Variants in HERC2 observed in about 807,000 individuals in gnomAD.
HERC2 encodes E3 ubiquitin-protein ligase HERC2.
A neutral mutation model predicts 537.7 loss-of-function variants in HERC2; 102 were observed. That is an observed-to-expected ratio of 0.19 (90% CI 0.16 to 0.22). The LOEUF is 0.22. HERC2 is among the 10% of genes least tolerant of loss of function. HERC2 has a pLI of 1.00. For synonymous variants in HERC2, 2,224 were observed against 2,466.2 expected (o/e 0.90, Z 2.91); for missense variants, 4,236 against 6,198.2 (o/e 0.68, Z 10.63).
At chr15:28,181,388 C>T (rs1895803315) in intron 57 of HERC2, among the ~76,000 whole-genome samples, 1 of 152,190 alleles carries the variant, frequency 6.6e-6, no homozygotes, top group African/African-American at 2.4e-5. Context: ...GTCCACTTCC[C>T]AAACCAAGCT....
intron 2 of HERC2, among the ~76,000 whole-genome samples, chr15:28,308,010 T>A (rs976896098): frequency 2.0e-5 from 3 of 152,204 alleles, no homozygotes; most frequent in African/African-American, 7.2e-5. Context: ...TTCTTTTCAA[T>A]TATGAGAGCT....
rs746589172 is a variant in HERC2, at chr15:28,177,007, G to A, written c.9375C>T (p.Leu3125=). Residue 3125 remains leucine, a synonymous_variant, in exon 61 of 93, where the codon CTC becomes CTT. Transcript: ENST00000261609. This position sits in a 1 kb window ranked among gnomAD's most constrained non-coding sequence, Gnocchi z 5.0. ...CATGTCCCAGCCGGCCGTACTCGCC[G>A]AGGCCCCAGGTGTACAGTTCTCCGC... ...TSSGELYTWG[L]GEYGRLGHGD... 77 of 1,613,944 alleles carry A rather than the reference G, an allele frequency of 4.8e-5. No homozygotes were observed. In the East Asian group the frequency reaches 7.8e-4, roughly 16 times the overall value.
At chr15:28,216,193 T>C (rs1316636154) in intron 38 of HERC2, among the ~76,000 whole-genome samples, 2 of 152,162 alleles carry the variant, frequency 1.3e-5, no homozygotes, top group East Asian at 1.9e-4. Flanking sequence ...TTCTAGGCAA[T>C]AGGAAAACCA....
rs149755238 is a variant in HERC2 at position 28,265,917 on chromosome 15, G to A, written c.1656C>T (p.His552=). 352 of 1,614,156 alleles carry A rather than the reference G, an allele frequency of 2.2e-4. 3 individuals are homozygous for A. The African/African-American group carries it at 3.8e-3, about 17-fold the overall frequency. The stretch of plus-strand genomic sequence containing the variant: ...TGCTCCCGCAAGCGATGTGCACCAC[G>A]TGCTTCCCGGCCTGCTTTCCAGAGA... The part of the protein sequence containing the change: ...SAFSGKQAGK[H]VVHIACGSTY... The change falls in exon 13 of 93, where the codon CAC becomes CAT. Residue 552 remains histidine (H), a synonymous_variant. Transcript: ENST00000261609. The surrounding 1 kb of genome is among the most constrained non-coding windows in gnomAD (Gnocchi z 4.0).
At chr15:28,238,472 C>T (rs755439392) in intron 24 of HERC2, 130 bp downstream of exon 24, 4 of 754,318 alleles carry the variant, frequency 5.3e-6, no homozygotes, top group African/African-American at 1.8e-5. Context: ...AGACAGACAT[C>T]GAAGCCACAG....
chr15:28,215,781 T>C lies in HERC2; in HGVS notation c.6050A>G (p.Tyr2017Cys), dbSNP rs759967510. Reference sequence around the variant, plus strand: ...GCACCAGCTCCGGTGTTGCTCCCTGTACACCAGCCTGTTTGGAGAAGCTGC... The same window carrying C: ...GCACCAGCTCCGGTGTTGCTCCCTGCACACCAGCCTGTTTGGAGAAGCTGC... ...DKTSSPNRLVYREQHRSWCTL... is the reference protein window; with the variant it reads ...DKTSSPNRLVCREQHRSWCTL... Residue 2017 changes from tyrosine (Y) to cysteine (C), a missense_variant, in exon 39 of 93, where the codon TAC becomes TGC. This residue lies in a region of HERC2 where 365 missense variants were observed against 468.8 expected (regional missense o/e 0.78). Transcript: ENST00000261609. 13 of 1,610,466 alleles carry C rather than the reference T, an allele frequency of 8.1e-6. No individual in the cohort carries two copies. The South Asian group carries it at 1.4e-4, about 18-fold the overall frequency.
intron 20 of HERC2, among the ~76,000 whole-genome samples, chr15:28,253,147 T>C (rs994988200): frequency 4.6e-5 from 7 of 151,086 alleles, no homozygotes; most frequent in Admixed American, 3.3e-4. Flanking sequence ...CCTTGCTTTT[T>C]CGCTCTTCTT....
At chr15:28,149,625 G>A (rs1398798328) in intron 70 of HERC2, among the ~76,000 whole-genome samples, 1 of 148,956 alleles carries the variant, frequency 6.7e-6, no homozygotes, top group South Asian at 2.2e-4. Context: ...CACCGAGAAC[G>A]GCTGCACGAA....
At chr15:28,315,867 G>T in intron 2 of HERC2, 1 of 506,124 alleles carries the variant, frequency 2.0e-6, no homozygotes. Flanking sequence ...GCATGCCACT[G>T]TCTAGAGCTT....
At chr15:28,124,286 G>C (rs78065044) in intron 84 of HERC2, 52 bp from the exon 85 acceptor site, 10 of 1,209,660 alleles carry the variant, frequency 8.3e-6, no homozygotes, top group Non-Finnish European at 9.0e-6. Flanking sequence ...GCACACGGGG[G>C]CCAGTGTGGC....
rs541879959 is a variant in HERC2 at position 28,284,881 on chromosome 15, C to T, written c.323-4594G>A. 4.7e-5 allele frequency among the ~76,000 whole-genome samples: 6 copies of T among 127,840 alleles called. No homozygotes were observed. In the South Asian group the frequency reaches 1.3e-3, roughly 27 times the overall value. 83.9% of individuals were successfully genotyped at this position (127,840 alleles called of 152,430 possible). ...GCAGTGAGCTGAGATCGTGCCACTT[C>T]ACTCCTGCCTGGGCAAAAGGAGCGA... On this transcript the variant is annotated intron_variant, in intron 4 of 92. Coordinates refer to ENST00000261609, the MANE Select transcript of HERC2 (RefSeq NM_004667.6).
At position 28,257,103 on chromosome 15, in the gene HERC2, T is replaced by C. The variant is rs2075286341; in HGVS notation, c.2475A>G (p.Lys825=). 5 of 1,613,746 alleles carry C rather than the reference T, an allele frequency of 3.1e-6. No individual in the cohort carries two copies. In the African/African-American group the frequency reaches 4.0e-5, roughly 13 times the overall value. ...GSADWPPPQE[K]ECVAVATLNL... is the part of the protein sequence containing the mutation. ...TCAGCGTTGCCACGGCCACACACTC[T>C]TTCTCCTGGGGCGGGGGCCAGTCCG... The change falls in exon 17 of 93, where the codon AAA becomes AAG. Residue 825 remains lysine (K), a synonymous_variant. Transcript: ENST00000261609.
chr15:28,188,543 TAAA>T (rs34333172), intron 55 of HERC2, among the ~76,000 whole-genome samples: 1 of 135,086 alleles, frequency 7.4e-6, no homozygotes. Context: ...GACTCCGTCT[TAAA>T]AAAAAAAAAA....
At chr15:28,305,947 T>A (rs1243537381) in intron 2 of HERC2, among the ~76,000 whole-genome samples, 3 of 152,178 alleles carry the variant, frequency 2.0e-5, no homozygotes, top group Non-Finnish European at 4.4e-5. Context: ...TCACTGGCCA[T>A]CAGAGAAATG....
intron 9 of HERC2, among the ~76,000 whole-genome samples, chr15:28,271,427 G>C (rs528345596): frequency 6.6e-6 from 1 of 152,278 alleles, no homozygotes; most frequent in East Asian, 1.9e-4. Context: ...CTTTGGGAGG[G>C]CCAGGCAGGC....
intron 33 of HERC2, 42 bp downstream of exon 33, chr15:28,229,418 C>T: frequency 6.2e-7 from 1 of 1,613,600 alleles, no homozygotes; most frequent in Admixed American, 1.7e-5. Flanking sequence ...ATTTTGTTGC[C>T]ATAGCTACCT....
At chr15:28,304,554 G>C (rs2141232771) in intron 2 of HERC2, among the ~76,000 whole-genome samples, 1 of 152,018 alleles carries the variant, frequency 6.6e-6, no homozygotes, top group South Asian at 2.1e-4. Context: ...TTTTAGTAGA[G>C]ACAGGGTATC....
chr15:28,163,196 C>T lies in HERC2; in HGVS notation c.10644G>A (p.Val3548=), dbSNP rs771035598. The change falls in exon 69 of 93, where the codon GTG becomes GTA. Residue 3548 remains valine, a synonymous_variant. Transcript: ENST00000261609. ...CTGACAGCTTGAGCAGGTCTACCAC[C>T]ACACGAGTGTCATCCGCAATCAGCA... is the stretch of plus-strand genomic sequence containing the variant. The part of the protein sequence containing the change: ...TSLLIADDTR[V]VVDLLKLSVC... The T allele has an allele frequency of 6.2e-7, 1 of 1,613,852 alleles. No individual in the cohort carries two copies. Among genetic ancestry groups the T allele is most frequent in the Non-Finnish European group, 8.5e-7 (1 of 1,180,018 alleles).
intron 79 of HERC2, among the ~76,000 whole-genome samples, chr15:28,134,639 C>T (rs1329576009): frequency 1.3e-5 from 2 of 151,998 alleles, no homozygotes; most frequent in Admixed American, 1.3e-4. Context: ...AGACCTCTTA[C>T]TCCTAGACTA....
Sources: gnomAD v4.1 joint callset for allele counts (sites outside exome capture counted in the v4.1 genomes callset) on GRCh38, gnomAD v4.1.1 for gene constraint, gnomAD v4.1.1 regional missense constraint, Gnocchi (gnomAD v3.1) non-coding constraint, MANE v1.5 for transcripts, NCBI Gene and HGNC (gene_info 2026-07-23, HGNC 2026-07-21) for gene names.